The following ASPHD1 variants were observed in gnomAD, a reference collection of about 807,000 sequenced individuals.
ASPHD1 encodes the protein aspartate beta-hydroxylase domain containing 1.
ASPHD1 carries 20 observed loss-of-function variants against 28.3 expected under a neutral mutation model. That is an observed-to-expected ratio of 0.71 (90% CI 0.50 to 1.03). The LOEUF (loss-of-function observed/expected upper bound fraction) is 1.03, where lower values mean the gene tolerates loss of function less well. Among genes scored for constraint, ASPHD1 ranks in the 50% least tolerant of loss-of-function variants. The pLI, the probability that ASPHD1 is intolerant of heterozygous loss-of-function variation, is 0.00. For missense variants in ASPHD1, 479 were observed against 524.1 expected, an observed-to-expected ratio of 0.91 and a Z score of 0.84; for synonymous variants, 240 against 221.2, an observed-to-expected ratio of 1.08 and a Z score of -0.75.
At chr16:29,913,281 C>T (rs2068748999) in intron 3 of ASPHD1, 1 of 152,080 alleles carries the variant, frequency 6.6e-6, no homozygotes, top group Non-Finnish European at 1.5e-5. Context: ...GAAAGGCCGA[C>T]CCTGCCAGAT....
In ASPHD1 at chr16:29,900,733, C is replaced by T. The variant is rs2068528974; in HGVS notation, c.-239C>T. On this transcript the variant is annotated 5_prime_UTR_variant, in exon 1 of 3. Transcript: ENST00000308748. ...GCTGCGGGTTCCCGGGACTGCAGGT[C>T]CAGGCAGGGTAGGAACCGCTGCCCA... 1 of 574,978 alleles carries T rather than the reference C, an allele frequency of 1.7e-6. No individual in the cohort carries two copies. Among genetic ancestry groups the T allele is most frequent in the African/African-American group, 1.9e-5 (1 of 52,638 alleles). 35.6% of individuals were successfully genotyped at this position (574,978 alleles called of 1,614,324 possible).
chr16:29,904,918 A>G lies in ASPHD1; in HGVS notation c.1016A>G (p.His339Arg). ...GGEPQCWAEGHCLLVDDSFLH... is the reference protein window; with the variant it reads ...GGEPQCWAEGRCLLVDDSFLH... ...GAGCCCCAGTGCTGGGCTGAGGGGC[A>G]CTGTCTACTGGTGGACGACTCTTTT... is the stretch of plus-strand genomic sequence containing the variant. The change falls in exon 2 of 3, where the codon CAC becomes CGC. Residue 339 changes from histidine to arginine, a missense_variant. Transcript: ENST00000308748. The G allele has an allele frequency of 6.2e-7, 1 of 1,613,630 alleles. No homozygotes were observed. Among genetic ancestry groups the G allele is most frequent in the Non-Finnish European group, 8.5e-7 (1 of 1,179,846 alleles).
chr16:29,904,809 G>C, intron 1 of ASPHD1, 43 bp from the exon 2 acceptor site: 1 of 1,396,336 alleles, frequency 7.2e-7, no homozygotes, highest in East Asian at 2.3e-5. Context: ...TGGGCCCCTG[G>C]GATGGAGGCA....
chr16:29,917,504 G>T (rs1481771522), intron 3 of ASPHD1, among the ~76,000 whole-genome samples: 1 of 151,902 alleles, frequency 6.6e-6, no homozygotes, highest in Non-Finnish European at 1.5e-5. Context: ...AAAATTAGAC[G>T]GGTGTGGTGG....
chr16:29,905,893 C>T lies in ASPHD1; in HGVS notation c.1169C>T (p.Pro390Leu). The change falls in exon 3 of 3, where the codon CCT (proline) becomes CTT (leucine). Residue 390 changes from proline (P) to leucine (L), a missense_variant. By Grantham distance (98) the Pro-to-Leu change is moderately conservative. Coordinates refer to ENST00000308748, the MANE Select transcript of ASPHD1 (RefSeq NM_181718.4). ...CTCGACTTTGTCTTCGCCCCAGACC[C>T]TTGAAGGAAGGTGCTCCCTTCACAC... ...QALDFVFAPD[P>L] 4 of 1,604,958 alleles carry T rather than the reference C, an allele frequency of 2.5e-6. No homozygotes were observed. The highest frequency in any genetic ancestry group is 3.4e-6 in the Non-Finnish European group (4 of 1,174,030).
chr16:29,901,488 C>G lies in ASPHD1; in HGVS notation c.517C>G (p.Pro173Ala). 1 of 1,538,516 alleles carries G rather than the reference C, an allele frequency of 6.5e-7. No homozygotes were observed. Among genetic ancestry groups the G allele is most frequent in the Non-Finnish European group, 8.9e-7 (1 of 1,125,446 alleles). The change falls in exon 1 of 3, where the codon CCA becomes GCA. Residue 173 changes from proline (P) to alanine (A), a missense_variant. Pro to Ala is a conservative substitution (Grantham distance 27, BLOSUM62 -1). Transcript: ENST00000308748. This position sits in a 1 kb window ranked among gnomAD's most constrained non-coding sequence, Gnocchi z 5.1. ...GRVRRAAQGG[P>A]GPGRGPGVLG... ...AGTGAGGCGGGCAGCTCAGGGTGGC[C>G]CAGGCCCTGGGAGAGGGCCAGGGGT...
downstream of ASPHD1, among the ~76,000 whole-genome samples, chr16:29,908,682 C>A (rs367611036): frequency 2.6e-4 from 39 of 147,692 alleles, no homozygotes; most frequent in African/African-American, 8.2e-4. Flanking sequence ...CCATGCCCGG[C>A]CTTTTTTTTT....
chr16:29,912,327 G>A (rs2068728734), intron 3 of ASPHD1: 3 of 527,292 alleles, frequency 5.7e-6, no homozygotes, highest in Admixed American at 7.6e-5. Flanking sequence ...TGTCAGCGTG[G>A]CGTGTCCGTC....
chr16:29,906,924 T>C, downstream of ASPHD1: 2 of 1,614,028 alleles, frequency 1.2e-6, no homozygotes, highest in African/African-American at 2.7e-5. Flanking sequence ...GTGGGTGATA[T>C]GGCGCCGGAC....
Position 29,901,721 on chromosome 16 carries a change from C to T in ASPHD1, c.750C>T (p.Tyr250=), listed in dbSNP as rs748487206. 1.7e-5 allele frequency: 26 copies of T among 1,568,408 alleles called. No individual in the cohort carries two copies. The highest frequency in any genetic ancestry group is 2.1e-5 in the Non-Finnish European group (24 of 1,160,744). The change falls in exon 1 of 3, where the codon TAC becomes TAT. Residue 250 remains tyrosine, a synonymous_variant. Transcript: ENST00000308748. The surrounding 1 kb of genome is among the most constrained non-coding windows in gnomAD (Gnocchi z 5.1). ...GWSPPLAPGC[Y]QLLLYQAGRC... is the part of the protein sequence containing the mutation. ...CCCCACCTCTGGCCCCCGGGTGCTA[C>T]CAGCTCCTGCTGTACCAAGCAGGCC... is the stretch of plus-strand genomic sequence containing the variant.
In ASPHD1 at chr16:29,901,072, G is replaced by C; in HGVS notation, c.101G>C (p.Ser34Thr). 6.2e-7 allele frequency: 1 copy of C among 1,610,788 alleles called. No homozygotes were observed. Among genetic ancestry groups the C allele is most frequent in the Non-Finnish European group, 8.5e-7 (1 of 1,178,462 alleles). The change falls in exon 1 of 3, where the codon AGC becomes ACC. Residue 34 changes from serine (S) to threonine (T), a missense_variant. Coordinates refer to ENST00000308748, the MANE Select transcript of ASPHD1 (RefSeq NM_181718.4). The surrounding 1 kb of genome is among the most constrained non-coding windows in gnomAD (Gnocchi z 5.1). ...TGGAAGGGAAACAGTCCAGCGGGGA[G>C]CCAGGGGGCAGCCATGGAAGGGACA... ...GMWKGNSPAGSQGAAMEGTGG... is the reference protein window; with the variant it reads ...GMWKGNSPAGTQGAAMEGTGG...
Position 29,901,756 on chromosome 16 carries a change from C to A in ASPHD1, c.785C>A (p.Pro262His), listed in dbSNP as rs372065432. ...CTGTACCAAGCAGGCCGGTGCCAAC[C>A]CAGCAACTGCCGCCGGTGCCCGGGG... Reference protein sequence around the residue: ...LLLYQAGRCQPSNCRRCPGAY... With the variant: ...LLLYQAGRCQHSNCRRCPGAY... The change falls in exon 1 of 3, where the codon CCC becomes CAC. Residue 262 changes from proline (P) to histidine (H), a missense_variant. Coordinates refer to ENST00000308748, the MANE Select transcript of ASPHD1 (RefSeq NM_181718.4). The surrounding 1 kb of genome is among the most constrained non-coding windows in gnomAD (Gnocchi z 5.1). The A allele has an allele frequency of 2.0e-5, 31 of 1,550,196 alleles. No homozygotes were observed. The highest frequency in any genetic ancestry group is 2.5e-5 in the Non-Finnish European group (29 of 1,148,278).
chr16:29,905,696 T>C, intron 2 of ASPHD1, 92 bp from the exon 3 acceptor site: 1 of 753,200 alleles, frequency 1.3e-6, no homozygotes, highest in South Asian at 1.7e-5. Flanking sequence ...CTGCCACTTA[T>C]TTACTGTTTG....
At chr16:29,903,054 A>AT (rs1309189847) in intron 1 of ASPHD1, among the ~76,000 whole-genome samples, 1 of 150,736 alleles carries the variant, frequency 6.6e-6, no homozygotes, top group East Asian at 2.0e-4. Flanking sequence ...TGCTTGGCTG[A>AT]TTTTTTAAAA....
Position 29,905,906 on chromosome 16 carries a change from G to C in ASPHD1, c.*9G>C. 6.2e-7 allele frequency: 1 copy of C among 1,602,414 alleles called. No individual in the cohort carries two copies. The highest frequency in any genetic ancestry group is 1.1e-5 in the South Asian group (1 of 90,552). On this transcript the variant is annotated 3_prime_UTR_variant, in exon 3 of 3. Coordinates refer to ENST00000308748, the MANE Select transcript of ASPHD1 (RefSeq NM_181718.4). ...TCGCCCCAGACCCTTGAAGGAAGGTGCTCCCTTCACACACCCAGGCTGGAG... is the reference window on the plus strand; with the variant it reads ...TCGCCCCAGACCCTTGAAGGAAGGTCCTCCCTTCACACACCCAGGCTGGAG...
Position 29,901,635 on chromosome 16 carries a change from C to T in ASPHD1, c.664C>T (p.Arg222Trp), listed in dbSNP as rs538438310. ...LLESSFPAIL[R>W]DFGAVSWDFS... ...GGAGAGCAGCTTCCCTGCCATTTTG[C>T]GGGACTTCGGGGCTGTGAGCTGGGA... The change falls in exon 1 of 3, where the codon CGG becomes TGG. Residue 222 changes from arginine to tryptophan, a missense_variant. Coordinates refer to ENST00000308748, the MANE Select transcript of ASPHD1 (RefSeq NM_181718.4). The surrounding 1 kb of genome is among the most constrained non-coding windows in gnomAD (Gnocchi z 5.1). The T allele has an allele frequency of 2.4e-5, 37 of 1,568,952 alleles. No homozygotes were observed. The Admixed American group carries it at 6.3e-4, about 27-fold the overall frequency.
At chr16:29,906,697 A>T, downstream of ASPHD1, 1 of 686,314 alleles carries the variant, frequency 1.5e-6, no homozygotes, top group Non-Finnish European at 2.6e-6. Flanking sequence ...CCATGTTGTT[A>T]GCAATGGGGT....
At chr16:29,905,562 A>G (rs549865894) in intron 2 of ASPHD1, among the ~76,000 whole-genome samples, 1 of 146,596 alleles carries the variant, frequency 6.8e-6, no homozygotes, top group South Asian at 2.3e-4. Flanking sequence ...TGGGAGGCCA[A>G]GGTTGCAGTG....
intron 2 of ASPHD1, 25 bp downstream of exon 2, chr16:29,904,990 G>A (rs1413596942): frequency 1.3e-6 from 2 of 1,556,946 alleles, no homozygotes; most frequent in Non-Finnish European, 8.8e-7. Context: ...ATTCTGCAGG[G>A]GGGATGAGGG....
Sources: gnomAD v4.1 joint callset for allele counts (sites outside exome capture counted in the v4.1 genomes callset) on GRCh38, gnomAD v4.1.1 for gene constraint, Gnocchi (gnomAD v3.1) non-coding constraint, MANE v1.5 for transcripts, NCBI Gene and HGNC (gene_info 2026-07-23, HGNC 2026-07-21) for gene names.